Variants in ARID2 observed in about 807,000 individuals in gnomAD.
ARID2 encodes the protein AT-rich interactive domain-containing protein 2.
A neutral mutation model predicts 184.6 loss-of-function variants in ARID2; 32 were observed. That is an observed-to-expected ratio of 0.17 (90% CI 0.13 to 0.23). The LOEUF (loss-of-function observed/expected upper bound fraction) is 0.23, where lower values mean the gene tolerates loss of function less well. Ranked by LOEUF, ARID2 falls within the 10% of genes least tolerant of loss-of-function variation. The pLI is 1.00. For missense variants in ARID2, 1,696 were observed against 2,197.6 expected (o/e 0.77, Z 4.56); for synonymous variants, 836 against 772.6 (o/e 1.08, Z -1.36).
rs577425733 is a variant in ARID2, at chr12:45,753,296, C to CA, written c.284+21996dup. Among the ~76,000 whole-genome samples the CA allele has an allele frequency of 3.0e-3, 397 of 130,812 alleles. 11 individuals carry two copies. In the South Asian group the frequency reaches 0.059, roughly 19 times the overall value. The allele number at this position is 130,812 out of a possible 152,430, so 85.8% of individuals were successfully genotyped here. A position where few individuals can be genotyped will look rare whatever the true frequency, so the allele number is the denominator to read the frequency against. ...GGGCAACAAGAGCGAAACTCCATCT[C>CA]AAAAAAAAAAAAAAGTGTTTCCCCC... On this transcript the variant is annotated intron_variant, in intron 3 of 20. Coordinates refer to ENST00000334344, the MANE Select transcript of ARID2 (RefSeq NM_152641.4).
At chr12:45,885,720 C>G (rs892819522) in intron 16 of ARID2, among the ~76,000 whole-genome samples, 1 of 152,192 alleles carries the variant, frequency 6.6e-6, no homozygotes, top group African/African-American at 2.4e-5. Flanking sequence ...GAGAAGCAAA[C>G]ATGTCCTTCT....
intron 16 of ARID2, among the ~76,000 whole-genome samples, chr12:45,884,842 T>A (rs1376359439): frequency 6.6e-6 from 1 of 152,182 alleles, no homozygotes; most frequent in East Asian, 1.9e-4. Flanking sequence ...CTTCCTCCCC[T>A]ATTGCCTTTG....
At chr12:45,893,238 G>A (rs1426837135) in intron 18 of ARID2, among the ~76,000 whole-genome samples, 182 bp from the exon 19 acceptor site, 2 of 152,142 alleles carry the variant, frequency 1.3e-5, no homozygotes, top group Non-Finnish European at 2.9e-5. Context: ...GATACTAAGC[G>A]CCCCTTTGCC....
At chr12:45,837,274 A>G in intron 8 of ARID2, 47 bp from the exon 9 acceptor site, 1 of 1,449,804 alleles carries the variant, frequency 6.9e-7, no homozygotes, top group South Asian at 1.3e-5. Context: ...GAAGTATACA[A>G]CTCTGGAAGA....
At chr12:45,882,898 A>G (rs1944126991) in intron 16 of ARID2, among the ~76,000 whole-genome samples, 1 of 152,226 alleles carries the variant, frequency 6.6e-6, no homozygotes, top group East Asian at 1.9e-4. Context: ...TTTTTGACTA[A>G]GTTAAATGAA....
chr12:45,839,510 C>T lies in ARID2; in HGVS notation c.1498+14C>T, dbSNP rs909461578. ...CATCTGCCCCAGGTTAGTGTTTTCACATATTCTTTTTCAGTGTGGTTACGA... is the reference window on the plus strand; with the variant it reads ...CATCTGCCCCAGGTTAGTGTTTTCATATATTCTTTTTCAGTGTGGTTACGA... On this transcript the variant is annotated intron_variant, in intron 11 of 20. Transcript: ENST00000334344. The T allele has an allele frequency of 2.5e-6, 4 of 1,603,306 alleles. No homozygotes were observed. In the African/African-American group the frequency reaches 5.4e-5, roughly 22 times the overall value.
At chr12:45,836,676 T>G (rs1943226245) in intron 7 of ARID2, 21 bp downstream of exon 7, 10 of 1,602,746 alleles carry the variant, frequency 6.2e-6, no homozygotes, top group East Asian at 2.2e-5. Flanking sequence ...GAAAGCAAAA[T>G]TTTTCAAAAC....
chr12:45,832,250 A>G (rs972623699), intron 6 of ARID2, among the ~76,000 whole-genome samples: 50 of 152,100 alleles, frequency 3.3e-4, no homozygotes, highest in African/African-American at 1.1e-3. Context: ...CAAGAAGTCA[A>G]CTTTTTTCTT....
chr12:45,804,130 C>T (rs1565602452), intron 3 of ARID2, among the ~76,000 whole-genome samples: 3 of 152,076 alleles, frequency 2.0e-5, no homozygotes, highest in African/African-American at 4.8e-5. Context: ...ACTGTTGTGG[C>T]TGAAGTTGGC....
intron 16 of ARID2, among the ~76,000 whole-genome samples, chr12:45,877,477 C>T (rs1294275881): frequency 6.6e-6 from 1 of 151,882 alleles, no homozygotes; most frequent in Non-Finnish European, 1.5e-5. Context: ...AAGCACAGGG[C>T]TCCCATTGAT....
At chr12:45,782,493 A>T (rs1483377403) in intron 3 of ARID2, among the ~76,000 whole-genome samples, 2 of 152,012 alleles carry the variant, frequency 1.3e-5, no homozygotes, top group Non-Finnish European at 2.9e-5. Flanking sequence ...TTAGGTGGGC[A>T]TGTTGTCAGA....
rs574877221 is a variant in ARID2 at position 45,730,824 on chromosome 12, C to A, written c.187-393C>A. Reference sequence around the variant, plus strand: ...GGAATCGGCCCCAGCCCCGGCCCCCCCCCCAACCCGCGGACGTCGCTGTCC... The same window carrying A: ...GGAATCGGCCCCAGCCCCGGCCCCCACCCCAACCCGCGGACGTCGCTGTCC... On this transcript the variant is annotated intron_variant, in intron 2 of 20. Transcript: ENST00000334344. 5.2e-3 allele frequency among the ~76,000 whole-genome samples: 793 copies of A among 151,558 alleles called. 6 individuals are homozygous for A. The highest frequency in any genetic ancestry group is 0.018 in the African/African-American group (743 of 41,266).
In ARID2 at chr12:45,846,945, G is replaced by T. The variant is rs766014897; in HGVS notation, c.1580+8G>T. ...GAAGTTTGCTTGTCAGTGGTAAGTG[G>T]TTTATTTCTATTAAGGATTTATCCT... On this transcript the variant is annotated splice_region_variant and intron_variant, in intron 12 of 20. Coordinates refer to ENST00000334344, the MANE Select transcript of ARID2 (RefSeq NM_152641.4). 6.2e-7 allele frequency: 1 copy of T among 1,611,590 alleles called. No homozygotes were observed. Among genetic ancestry groups the T allele is most frequent in the East Asian group, 2.2e-5 (1 of 44,754 alleles).
intron 3 of ARID2, among the ~76,000 whole-genome samples, chr12:45,808,657 C>T (rs1269000275): frequency 3.9e-5 from 6 of 151,930 alleles, no homozygotes; most frequent in Non-Finnish European, 7.4e-5. Flanking sequence ...CTGGGAGGGA[C>T]GAGTTCCTGT....
chr12:45,794,188 T>G (rs1942345892), intron 3 of ARID2, among the ~76,000 whole-genome samples: 1 of 152,234 alleles, frequency 6.6e-6, no homozygotes, highest in Non-Finnish European at 1.5e-5. Flanking sequence ...CTTTTCTCTC[T>G]TAACTAAGCA....
In ARID2 at chr12:45,900,629, T is replaced by C. The variant is rs1004993411; in HGVS notation, c.5364-4305T>C. Among the ~76,000 whole-genome samples, 5 of 152,324 alleles carry C rather than the reference T, an allele frequency of 3.3e-5. No individual in the cohort carries two copies. In the South Asian group the frequency reaches 6.2e-4, roughly 19 times the overall value. On this transcript the variant is annotated intron_variant, in intron 20 of 20. Transcript: ENST00000334344. The stretch of plus-strand genomic sequence containing the variant: ...CCTCTTCTCAGGAATTACCTCCATG[T>C]TGAATCCCTTTTCGTTGAAACCCAT...
intron 3 of ARID2, among the ~76,000 whole-genome samples, chr12:45,809,861 T>C (rs1182828989): frequency 6.6e-6 from 1 of 152,210 alleles, no homozygotes; most frequent in Non-Finnish European, 1.5e-5. Flanking sequence ...TTCATGTCAT[T>C]AGTTTTTATA....
chr12:45,822,325 G>A (rs569202607), intron 6 of ARID2, among the ~76,000 whole-genome samples: 1 of 152,072 alleles, frequency 6.6e-6, no homozygotes, highest in South Asian at 2.1e-4. Flanking sequence ...AACAAAGCAA[G>A]ACCCCATCCC....
At chr12:45,889,049 TGTG>T (rs1361502308) in intron 16 of ARID2, among the ~76,000 whole-genome samples, 1 of 152,042 alleles carries the variant, frequency 6.6e-6, no homozygotes, top group Non-Finnish European at 1.5e-5. Flanking sequence ...AATTAGGCAT[TGTG>T]GTGCACGTAA....
Sources: gnomAD v4.1 joint callset for allele counts (sites outside exome capture counted in the v4.1 genomes callset) on GRCh38, gnomAD v4.1.1 for gene constraint, MANE v1.5 for transcripts, NCBI Gene and HGNC (gene_info 2026-07-23, HGNC 2026-07-21) for gene names.